SEMA3E: variants seen among roughly 807,000 people sequenced by gnomAD.
SEMA3E encodes the protein semaphorin-3E.
In SEMA3E, 49 loss-of-function variants were observed where a neutral mutation model predicts 93.6. That is an observed-to-expected ratio of 0.52 (90% confidence interval 0.42 to 0.66). The LOEUF (loss-of-function observed/expected upper bound fraction) is 0.66. Ranked by LOEUF, SEMA3E falls within the 30% of genes least tolerant of loss-of-function variation. The probability of loss-of-function intolerance (pLI) is 0.00; values close to 1 mark genes in which losing one functional copy is unlikely to be tolerated. For missense variants in SEMA3E, 906 were observed against 964.8 expected (o/e 0.94, Z 0.81); for synonymous variants, 363 against 330.7 (o/e 1.10, Z -1.06).
chr7:83,478,522 A>C (rs193134675), intron 2 of SEMA3E, among the ~76,000 whole-genome samples: 37 of 152,274 alleles, frequency 2.4e-4, no homozygotes, highest in African/African-American at 8.9e-4. Context: ...ACAGATTGCA[A>C]GGGGCTATTC....
chr7:83,420,444 G>T (rs1788650641), intron 4 of SEMA3E, among the ~76,000 whole-genome samples: 1 of 152,028 alleles, frequency 6.6e-6, no homozygotes, highest in Admixed American at 6.6e-5. Flanking sequence ...CACAGAATTA[G>T]AAGAAAACTA....
chr7:83,640,645 T>A (rs2115709093), intron 1 of SEMA3E, among the ~76,000 whole-genome samples: 1 of 152,366 alleles, frequency 6.6e-6, no homozygotes, highest in South Asian at 2.1e-4. Context: ...TTATGTTTTA[T>A]ATTTATTGTG....
intron 1 of SEMA3E, among the ~76,000 whole-genome samples, chr7:83,571,980 C>CAA (rs199557890): frequency 6.6e-6 from 1 of 151,392 alleles, no homozygotes; most frequent in African/African-American, 2.4e-5. Context: ...ACAGTATCCA[C>CAA]AAAAAAAATG....
At chr7:83,641,425 T>G in intron 1 of SEMA3E, 1 of 982,210 alleles carries the variant, frequency 1.0e-6, no homozygotes, top group South Asian at 4.7e-5. Flanking sequence ...AGGACACTGT[T>G]TAGTTTAACT....
intron 1 of SEMA3E, among the ~76,000 whole-genome samples, chr7:83,639,134 A>C (rs1793945742): frequency 7.6e-6 from 1 of 132,130 alleles, no homozygotes; most frequent in Non-Finnish European, 1.6e-5. Flanking sequence ...AAAAAAAAAA[A>C]AAAAAACAGA....
chr7:83,469,479 G>A (rs1394789821), intron 2 of SEMA3E, among the ~76,000 whole-genome samples, 177 bp from the exon 3 acceptor site: 2 of 148,692 alleles, frequency 1.3e-5, no homozygotes, highest in African/African-American at 2.5e-5. Flanking sequence ...ATTAAGAAAC[G>A]TATCGCTGGG....
At chr7:83,535,130 G>A (rs1791387842) in intron 1 of SEMA3E, among the ~76,000 whole-genome samples, 1 of 152,174 alleles carries the variant, frequency 6.6e-6, no homozygotes, top group East Asian at 1.9e-4. Context: ...GCCTAATTTT[G>A]AGTGTGAATC....
intron 1 of SEMA3E, among the ~76,000 whole-genome samples, chr7:83,525,884 A>G (rs559029902): frequency 6.6e-6 from 1 of 150,776 alleles, no homozygotes; most frequent in African/African-American, 2.4e-5. Flanking sequence ...GCAGCTCAAG[A>G]ATGGAATCTC....
chr7:83,562,751 G>A (rs921469037), intron 1 of SEMA3E, among the ~76,000 whole-genome samples: 21 of 152,092 alleles, frequency 1.4e-4, no homozygotes, highest in African/African-American at 5.1e-4. Context: ...AAGTCTTTAA[G>A]TCCTAGCCTG....
At chr7:83,370,612 C>G (rs1368964352) in intron 16 of SEMA3E, among the ~76,000 whole-genome samples, 2 of 152,092 alleles carry the variant, frequency 1.3e-5, no homozygotes. Flanking sequence ...CTGTGTATAT[C>G]TCTGCCTTCA....
At chr7:83,513,262 G>A (rs548817578) in intron 1 of SEMA3E, among the ~76,000 whole-genome samples, 1 of 152,252 alleles carries the variant, frequency 6.6e-6, no homozygotes, top group Admixed American at 6.5e-5. Context: ...AATCAAGGCT[G>A]TGGCCTCTGC....
chr7:83,602,830 T>C (rs1460703107), intron 1 of SEMA3E, among the ~76,000 whole-genome samples: 1 of 152,184 alleles, frequency 6.6e-6, no homozygotes, highest in Non-Finnish European at 1.5e-5. Context: ...TCATCACCTT[T>C]TGTTTGTAAT....
At position 83,385,439 on chromosome 7, in the gene SEMA3E, A is replaced by G. The variant is rs750533810; in HGVS notation, c.1736-6T>C. 1 of 1,613,080 alleles carries G rather than the reference A, an allele frequency of 6.2e-7. No homozygotes were observed. Among genetic ancestry groups the G allele is most frequent in the Non-Finnish European group, 8.5e-7 (1 of 1,179,272 alleles). On this transcript the variant is annotated splice_region_variant and splice_polypyrimidine_tract_variant and intron_variant, in intron 15 of 16. Coordinates refer to ENST00000643230, the MANE Select transcript of SEMA3E (RefSeq NM_012431.3). ...AGTCTTATCCAAAGCATCCCCTACA[A>G]CAGGAACATTAATGCCATCTTTGAG...
At chr7:83,458,627 A>G (rs1789542319) in intron 4 of SEMA3E, among the ~76,000 whole-genome samples, 1 of 151,806 alleles carries the variant, frequency 6.6e-6, no homozygotes, top group Non-Finnish European at 1.5e-5. Context: ...GCAAGTTTAC[A>G]TGGGCTAATA....
rs780028159 is a variant in SEMA3E, at chr7:83,629,306, C to T, written c.115+19122G>A. Among the ~76,000 whole-genome samples the T allele has an allele frequency of 8.5e-5, 13 of 152,180 alleles. 1 individual carries two copies. The highest frequency in any genetic ancestry group is 1.5e-4 in the Non-Finnish European group (10 of 68,030). ...GGGATCAGGGACCCACTTGAGGAGG[C>T]AGTCTATCCCTTAGCAGAGCTCAAG... On this transcript the variant is annotated intron_variant, in intron 1 of 16. Coordinates refer to ENST00000643230, the MANE Select transcript of SEMA3E (RefSeq NM_012431.3).
chr7:83,607,699 G>T (rs1037325463), intron 1 of SEMA3E, among the ~76,000 whole-genome samples: 5 of 152,236 alleles, frequency 3.3e-5, no homozygotes, highest in Admixed American at 2.0e-4. Flanking sequence ...AAGTGTAAAG[G>T]ATGAGTAAGG....
At chr7:83,525,005 C>T (rs74546304) in intron 1 of SEMA3E, among the ~76,000 whole-genome samples, 1,839 of 152,080 alleles carry the variant, frequency 0.012, 33 homozygotes, top group African/African-American at 0.039. Context: ...CTTGGCTAAT[C>T]ATCCTGTTTT....
chr7:83,587,559 G>A (rs962539592), intron 1 of SEMA3E, among the ~76,000 whole-genome samples: 5 of 152,016 alleles, frequency 3.3e-5, no homozygotes, highest in African/African-American at 1.2e-4. Context: ...AAAATAACTT[G>A]CATTAGACAA....
chr7:83,611,654 C>A (rs1793270083), intron 1 of SEMA3E, among the ~76,000 whole-genome samples: 1 of 151,702 alleles, frequency 6.6e-6, no homozygotes, highest in Non-Finnish European at 1.5e-5. Flanking sequence ...CTGGCAAAGC[C>A]CATCAGTTCT....
Sources: gnomAD v4.1 joint callset for allele counts (sites outside exome capture counted in the v4.1 genomes callset) on GRCh38, gnomAD v4.1.1 for gene constraint, MANE v1.5 for transcripts, NCBI Gene and HGNC (gene_info 2026-07-23, HGNC 2026-07-21) for gene names.